The following CNTFR variants were observed in gnomAD, a reference collection of about 807,000 sequenced individuals.
The protein encoded by CNTFR is ciliary neurotrophic factor receptor.
CNTFR carries 12 observed loss-of-function variants against 40.4 expected under a neutral mutation model. The observed-to-expected ratio is 0.30, with a 90% CI of 0.19 to 0.48. CNTFR has a LOEUF of 0.48. CNTFR is among the 20% of genes least tolerant of loss of function. The pLI is 0.99. For synonymous variants in CNTFR, 202 were observed against 209.6 expected, an observed-to-expected ratio of 0.96 and a Z score of 0.31; for missense variants, 414 against 506.8, an observed-to-expected ratio of 0.82 and a Z score of 1.76.
intron 2 of CNTFR, among the ~76,000 whole-genome samples, chr9:34,577,089 G>A (rs966255654): frequency 6.6e-6 from 1 of 152,208 alleles, no homozygotes; most frequent in Non-Finnish European, 1.5e-5. Context: ...ACTAACCACT[G>A]AGGAGGAGAG....
At chr9:34,563,215 A>G (rs1826142787) in intron 4 of CNTFR, among the ~76,000 whole-genome samples, 1 of 152,192 alleles carries the variant, frequency 6.6e-6, no homozygotes, top group Non-Finnish European at 1.5e-5. Flanking sequence ...CCTTGCCCAT[A>G]CTATTAATAC....
Position 34,555,381 on chromosome 9 carries a change from G to C in CNTFR, c.768+874C>G, listed in dbSNP as rs548657727. Among the ~76,000 whole-genome samples, 213 of 152,138 alleles carry C rather than the reference G, an allele frequency of 1.4e-3. 2 individuals are homozygous for C. Among genetic ancestry groups the C allele is most frequent in the Non-Finnish European group, 2.3e-3 (156 of 67,970 alleles). ...GGTGGGGGTACAAGTTGACCCCCAG[G>C]AACCAGCCTGGGTTGTCCCATGGAG... On this transcript the variant is annotated intron_variant, in intron 7 of 9. Coordinates refer to ENST00000378980, the MANE Select transcript of CNTFR (RefSeq NM_147164.3).
chr9:34,580,398 T>A (rs1827224599), intron 2 of CNTFR, among the ~76,000 whole-genome samples: 1 of 152,124 alleles, frequency 6.6e-6, no homozygotes, highest in Non-Finnish European at 1.5e-5. Context: ...GCCCCTTTTA[T>A]GTGTCAGCCT....
At chr9:34,586,362 G>A (rs1202224565) in intron 1 of CNTFR, among the ~76,000 whole-genome samples, 2 of 152,152 alleles carry the variant, frequency 1.3e-5, no homozygotes, top group Non-Finnish European at 2.9e-5. Context: ...GAGAAGAGAA[G>A]AGAGGGTGGG....
At chr9:34,588,167 G>A (rs1827619760) in intron 1 of CNTFR, among the ~76,000 whole-genome samples, 1 of 152,120 alleles carries the variant, frequency 6.6e-6, no homozygotes, top group East Asian at 1.9e-4. Flanking sequence ...TGCTGACCAG[G>A]AGCCCCTGGC....
intron 2 of CNTFR, chr9:34,569,404 T>G (rs1460463522): frequency 2.2e-5 from 4 of 181,024 alleles, no homozygotes; most frequent in African/African-American, 9.4e-5. Flanking sequence ...CAGGGCCATT[T>G]TTCTAAAAAA....
rs372635857 is a variant in CNTFR at position 34,568,906 on chromosome 9, T to G, written c.76A>C (p.Ser26Arg). Reference protein sequence around the residue: ...AAAVVYAQRHSPQEAPHVQYE... With the variant: ...AAAVVYAQRHRPQEAPHVQYE... Reference sequence around the variant, plus strand: ...TCCCGTGAGCACTCACCCTGTGGACTGTGTCTCTGGGCGTAGACAACTGCG... The same window carrying G: ...TCCCGTGAGCACTCACCCTGTGGACGGTGTCTCTGGGCGTAGACAACTGCG... The change falls in exon 3 of 10, where the codon AGT becomes CGT. Residue 26 changes from serine (S) to arginine (R), a missense_variant. This residue lies in a region of CNTFR where 250 missense variants were observed against 269.5 expected (regional missense o/e 0.93). Transcript: ENST00000378980. The G allele has an allele frequency of 6.3e-7, 1 of 1,592,942 alleles. No individual in the cohort carries two copies. Among genetic ancestry groups the G allele is most frequent in the Admixed American group, 1.7e-5 (1 of 57,320 alleles).
intron 1 of CNTFR, among the ~76,000 whole-genome samples, chr9:34,584,326 CTT>C (rs1827453725): frequency 2.0e-5 from 3 of 152,216 alleles, no homozygotes; most frequent in Non-Finnish European, 4.4e-5. Flanking sequence ...CAAAGGCTCT[CTT>C]TCTTGTGCAT....
At chr9:34,587,172 C>T (rs1469015840) in intron 1 of CNTFR, among the ~76,000 whole-genome samples, 1 of 151,952 alleles carries the variant, frequency 6.6e-6, no homozygotes, top group African/African-American at 2.4e-5. Flanking sequence ...AGTGAGAGAG[C>T]CTGTGAGTCC....
chr9:34,554,405 C>T (rs1476585680), intron 7 of CNTFR, among the ~76,000 whole-genome samples: 1 of 152,158 alleles, frequency 6.6e-6, no homozygotes, highest in African/African-American at 2.4e-5. Context: ...ATGTGGCCCC[C>T]AGGAGGTCAG....
chr9:34,588,793 G>A (rs1564079230), intron 1 of CNTFR, among the ~76,000 whole-genome samples: 1 of 152,132 alleles, frequency 6.6e-6, no homozygotes, highest in Non-Finnish European at 1.5e-5. Flanking sequence ...TCCGTCTGGT[G>A]ACCTCCCCAC....
At chr9:34,583,174 G>A (rs1827391816) in intron 1 of CNTFR, among the ~76,000 whole-genome samples, 1 of 152,238 alleles carries the variant, frequency 6.6e-6, no homozygotes, top group South Asian at 2.1e-4. Flanking sequence ...CTAGGAGGCT[G>A]AGAGAATGTG....
At chr9:34,584,078 A>T (rs1456973098) in intron 1 of CNTFR, among the ~76,000 whole-genome samples, 2 of 152,142 alleles carry the variant, frequency 1.3e-5, no homozygotes, top group Non-Finnish European at 2.9e-5. Context: ...TGGCTCAGAA[A>T]AGGGTAGTTG....
intron 4 of CNTFR, among the ~76,000 whole-genome samples, chr9:34,558,791 G>T (rs1417225462): frequency 1.3e-5 from 2 of 152,140 alleles, no homozygotes; most frequent in Non-Finnish European, 2.9e-5. Context: ...CCTCACTCTG[G>T]AATAGGAAGG....
rs1564058395 is a variant in CNTFR at position 34,557,005 on chromosome 9, C to A, written c.604+521G>T. ...CCAGCCATGGGGTCTGGGGAGAAGA[C>A]AGGGGCAGGCAGAAGGTCTGGCTGG... On this transcript the variant is annotated intron_variant, in intron 6 of 9. Transcript: ENST00000378980. The surrounding 1 kb of genome is among the most constrained non-coding windows in gnomAD (Gnocchi z 4.2). 6.7e-6 allele frequency among the ~76,000 whole-genome samples: 1 copy of A among 149,444 alleles called. No individual in the cohort carries two copies.
intron 2 of CNTFR, among the ~76,000 whole-genome samples, chr9:34,578,285 A>AAGCGAGCT (rs1270397559): frequency 3.3e-5 from 5 of 152,208 alleles, no homozygotes; most frequent in Admixed American, 1.3e-4. Context: ...GCAAGCGAGC[A>AAGCGAGCT]AGCGAGCTAG....
Position 34,564,766 on chromosome 9 carries a change from C to A in CNTFR, c.152G>T (p.Trp51Leu). 6.2e-7 allele frequency: 1 copy of A among 1,614,102 alleles called. No homozygotes were observed. Among genetic ancestry groups the A allele is most frequent in the Non-Finnish European group, 8.5e-7 (1 of 1,180,020 alleles). Residue 51 changes from tryptophan to leucine, a missense_variant, in exon 4 of 10, where the codon TGG becomes TTG. Coordinates refer to ENST00000378980, the MANE Select transcript of CNTFR (RefSeq NM_147164.3). Reference sequence around the variant, plus strand: ...TACCCGCCACGTCACCGCAGCATCCCAGTTTGCTGTCCCACATGGCAGTGT... The same window carrying A: ...TACCCGCCACGTCACCGCAGCATCCAAGTTTGCTGTCCCACATGGCAGTGT... Reference protein sequence around the residue: ...DVTLPCGTANWDAAVTWRVNG... With the variant: ...DVTLPCGTANLDAAVTWRVNG...
intron 7 of CNTFR, 69 bp downstream of exon 7, chr9:34,556,186 T>TA: frequency 6.6e-7 from 1 of 1,521,514 alleles, no homozygotes; most frequent in Non-Finnish European, 9.0e-7. Context: ...CCACGTGGGA[T>TA]ATGGGTGCCA....
Position 34,552,435 on chromosome 9 carries a change from C to T in CNTFR, c.950-106G>A. 7.9e-7 allele frequency: 1 copy of T among 1,259,812 alleles called. No individual in the cohort carries two copies. The highest frequency in any genetic ancestry group is 1.1e-6 in the Non-Finnish European group (1 of 926,452). The allele number at this position is 1,259,812 out of a possible 1,614,324, so 78.0% of individuals were successfully genotyped here. A position where few individuals can be genotyped will look rare whatever the true frequency, so the allele number is the denominator to read the frequency against. ...TGCTTCCTGCATCAGACTGGTACTG[C>T]CTCCCCCATCAGGCAGATCCTGTTT... On this transcript the variant is annotated intron_variant, in intron 8 of 9. Transcript: ENST00000378980. This position sits in a 1 kb window ranked among gnomAD's most constrained non-coding sequence, Gnocchi z 5.1.
Sources: allele counts gnomAD v4.1 joint callset (sites outside exome capture counted in the v4.1 genomes callset), GRCh38; gene constraint gnomAD v4.1.1; regional missense constraint gnomAD v4.1.1; non-coding constraint Gnocchi (gnomAD v3.1); transcripts MANE v1.5; gene names NCBI Gene and HGNC (gene_info 2026-07-23, HGNC 2026-07-21).